Variants in NEO1 observed in about 807,000 individuals in gnomAD.
NEO1 encodes neogenin 1, also known as neogenin.
NEO1 carries 63 observed loss-of-function variants against 159.7 expected under a neutral mutation model. The ratio of observed to expected loss-of-function variants is 0.39; its 90% CI spans 0.32 to 0.49. The LOEUF (loss-of-function observed/expected upper bound fraction) is 0.49. Among genes scored for constraint, NEO1 ranks in the 20% least tolerant of loss-of-function variants. The pLI is 0.85. For synonymous variants in NEO1, 633 were observed against 662.0 expected (o/e 0.96, Z 0.67); for missense variants, 1,615 against 1,831.0 (o/e 0.88, Z 2.15).
intron 7 of NEO1, among the ~76,000 whole-genome samples, chr15:73,215,838 A>T (rs2037846904): frequency 6.6e-6 from 1 of 152,030 alleles, no homozygotes. Flanking sequence ...AATATTGTGG[A>T]ATAGTGTCAA....
intron 7 of NEO1, among the ~76,000 whole-genome samples, chr15:73,188,991 A>G (rs902172593): frequency 6.6e-6 from 1 of 152,036 alleles, no homozygotes; most frequent in African/African-American, 2.4e-5. Context: ...CCCAGGTACT[A>G]AAGAGGCTGA....
intron 5 of NEO1, among the ~76,000 whole-genome samples, chr15:73,168,516 G>A (rs2034738612): frequency 6.6e-6 from 1 of 151,806 alleles, no homozygotes; most frequent in South Asian, 2.1e-4. Flanking sequence ...CTTTTAATTA[G>A]TATCAGATGG....
intron 7 of NEO1, among the ~76,000 whole-genome samples, chr15:73,196,644 T>G (rs1238820168): frequency 6.6e-6 from 1 of 152,214 alleles, no homozygotes; most frequent in Non-Finnish European, 1.5e-5. Context: ...ATTTCAGGTA[T>G]TAGAGTAGCT....
rs528222235 is a variant in NEO1 at position 73,137,560 on chromosome 15, A to C, written c.1015+1533A>C. Among the ~76,000 whole-genome samples, 22 of 152,238 alleles carry C rather than the reference A, an allele frequency of 1.4e-4. 1 individual carries two copies. The highest frequency in any genetic ancestry group is 6.8e-3 in the Middle Eastern group (2 of 294). On this transcript the variant is annotated intron_variant, in intron 5 of 28. Transcript: ENST00000261908. The stretch of plus-strand genomic sequence containing the variant: ...CACCTAGGCTGGAGTGCAGTGGCAC[A>C]ATCTCTGCTCCCTGCAGCCTCGACC...
At chr15:73,173,665 A>T (rs1238113762) in intron 5 of NEO1, among the ~76,000 whole-genome samples, 1 of 152,206 alleles carries the variant, frequency 6.6e-6, no homozygotes, top group Non-Finnish European at 1.5e-5. Flanking sequence ...CAAACGTAAA[A>T]CTTTGTTACA....
chr15:73,124,877 T>C (rs1449998169), intron 3 of NEO1, among the ~76,000 whole-genome samples: 1 of 152,226 alleles, frequency 6.6e-6, no homozygotes, highest in Admixed American at 6.5e-5. Context: ...GCCAGTAATA[T>C]TGGCTATGAA....
intron 16 of NEO1, among the ~76,000 whole-genome samples, chr15:73,266,747 C>CA (rs934889556): frequency 6.6e-6 from 1 of 151,838 alleles, no homozygotes; most frequent in African/African-American, 2.4e-5. Flanking sequence ...GAGTCAAAAA[C>CA]AAAAAATGTA....
chr15:73,279,351 G>GTGTTTTTTTTTTTTTTT (rs2041576404), intron 22 of NEO1, among the ~76,000 whole-genome samples: 5 of 119,356 alleles, frequency 4.2e-5, no homozygotes, highest in Non-Finnish European at 8.7e-5. Flanking sequence ...TTTGGTTTTG[G>GTGTTTTTTTTTTTTTTT]TTTTTTTTTT....
chr15:73,292,275 T>A (rs2042189957), intron 25 of NEO1, among the ~76,000 whole-genome samples: 1 of 152,164 alleles, frequency 6.6e-6, no homozygotes, highest in South Asian at 2.1e-4. Flanking sequence ...CACAAAGACT[T>A]TAGGGAGATC....
At chr15:73,244,254 A>G in intron 8 of NEO1, 90 bp from the exon 9 acceptor site, 4 of 1,418,012 alleles carry the variant, frequency 2.8e-6, no homozygotes, top group East Asian at 2.4e-5. Context: ...ACTTACACTG[A>G]TAGATTTTTA....
intron 7 of NEO1, among the ~76,000 whole-genome samples, chr15:73,224,074 G>A (rs1261733168): frequency 6.6e-6 from 1 of 152,120 alleles, no homozygotes; most frequent in Non-Finnish European, 1.5e-5. Flanking sequence ...AGTTTCACTG[G>A]ATACAAAATT....
intron 1 of NEO1, among the ~76,000 whole-genome samples, chr15:73,106,234 A>G (rs2070685598): frequency 6.6e-6 from 1 of 152,158 alleles, no homozygotes. Flanking sequence ...CAGAAATAAT[A>G]CAATTTTTTT....
In NEO1 at chr15:73,216,153, A is replaced by G. The variant is rs189406797; in HGVS notation, c.1292-20194A>G. Among the ~76,000 whole-genome samples, 388 of 149,666 alleles carry G rather than the reference A, an allele frequency of 2.6e-3. 3 individuals carry two copies. Among genetic ancestry groups the G allele is most frequent in the African/African-American group, 9.1e-3 (369 of 40,620 alleles). On this transcript the variant is annotated intron_variant, in intron 7 of 28. Coordinates refer to ENST00000261908, the MANE Select transcript of NEO1 (RefSeq NM_002499.4). ...TGTGTCCATGTGTTCTCATTGTTCAATTCCCACCTATGAGTGAGAATATGC... is the reference window on the plus strand; with the variant it reads ...TGTGTCCATGTGTTCTCATTGTTCAGTTCCCACCTATGAGTGAGAATATGC...
At chr15:73,067,661 G>C (rs892804291) in intron 1 of NEO1, among the ~76,000 whole-genome samples, 16 of 149,064 alleles carry the variant, frequency 1.1e-4, no homozygotes, top group African/African-American at 4.0e-4. Context: ...CTGTCCCCCA[G>C]GCTGGAGTGC....
chr15:73,180,464 T>C (rs4570800), intron 7 of NEO1, among the ~76,000 whole-genome samples: 128,974 of 152,180 alleles, frequency 0.85, 56,082 homozygotes, highest in Non-Finnish European at 0.94. Context: ...GTACAATTAC[T>C]AAATAAGGCA....
rs1248882265 is a variant in NEO1 at position 73,178,317 on chromosome 15, A to G, written c.1181A>G (p.Asn394Ser). The change falls in exon 7 of 29, where the codon AAT (asparagine) becomes AGT (serine). Residue 394 changes from asparagine to serine, a missense_variant. Around this residue, in one of 3 missense-constraint regions of NEO1, gnomAD observed 1,018 missense variants for 1,115.4 expected, o/e 0.91. Transcript: ENST00000261908. ...SDYFKIVKEH[N>S]LQVLGLVKSD... ...GCTTTTCTTCTTCAGAAGGAACATA[A>G]TCTTCAAGTTTTGGGTCTGGTGAAA... 2.5e-6 allele frequency: 4 copies of G among 1,612,700 alleles called. No individual in the cohort carries two copies. Among genetic ancestry groups the G allele is most frequent in the Admixed American group, 1.7e-5 (1 of 60,002 alleles).
chr15:73,168,383 G>A (rs28594832), intron 5 of NEO1, among the ~76,000 whole-genome samples: 5 of 87,218 alleles, frequency 5.7e-5, no homozygotes, highest in African/African-American at 1.3e-4. Context: ...GGGGGGTGGG[G>A]GGGGGGGGTC....
At chr15:73,113,179 C>CG (rs1555429980) in intron 1 of NEO1, among the ~76,000 whole-genome samples, 1 of 144,656 alleles carries the variant, frequency 6.9e-6, no homozygotes, top group Admixed American at 6.8e-5. Context: ...CTCTTACTGG[C>CG]TTTTTTTTTT....
chr15:73,285,300 A>G (rs1228571807), intron 23 of NEO1, among the ~76,000 whole-genome samples: 1 of 151,812 alleles, frequency 6.6e-6, no homozygotes, highest in Non-Finnish European at 1.5e-5. Context: ...TTGTATTTTT[A>G]GTAGAGACAG....
Sources: gnomAD v4.1 joint callset for allele counts (sites outside exome capture counted in the v4.1 genomes callset) on GRCh38, gnomAD v4.1.1 for gene constraint, gnomAD v4.1.1 regional missense constraint, MANE v1.5 for transcripts, NCBI Gene and HGNC (gene_info 2026-07-23, HGNC 2026-07-21) for gene names.